PUS10: variants seen among roughly 807,000 people sequenced by gnomAD.
PUS10 encodes the protein tRNA pseudouridine synthase Pus10.
In PUS10, 59 loss-of-function variants were observed where a neutral mutation model predicts 75.0. That is an observed-to-expected ratio of 0.79 (90% CI 0.64 to 0.98). PUS10 has a LOEUF of 0.98. PUS10 is among the 50% of genes least tolerant of loss of function. PUS10 has a pLI of 0.00. For missense variants in PUS10, 650 were observed against 614.4 expected (o/e 1.06, Z -0.61); for synonymous variants, 219 against 211.6 (o/e 1.03, Z -0.30).
At chr2:60,992,649 T>A (rs776067186) in intron 4 of PUS10, among the ~76,000 whole-genome samples, 7 of 152,232 alleles carry the variant, frequency 4.6e-5, no homozygotes, top group Non-Finnish European at 8.8e-5. Context: ...AATATAAGAC[T>A]AAAAGGGCTA....
At chr2:60,964,498 C>A (rs536367526) in intron 8 of PUS10, among the ~76,000 whole-genome samples, 1 of 152,290 alleles carries the variant, frequency 6.6e-6, no homozygotes, top group African/African-American at 2.4e-5. Flanking sequence ...TGTATGTTAA[C>A]TAACTTGTCC....
At position 61,011,845 on chromosome 2, in the gene PUS10, G is replaced by A. The variant is rs752555926; in HGVS notation, c.46C>T (p.Leu16Phe). 2 of 1,609,216 alleles carry A rather than the reference G, an allele frequency of 1.2e-6. No homozygotes were observed. The highest frequency in any genetic ancestry group is 1.7e-6 in the Non-Finnish European group (2 of 1,177,448). ...EENKHVAQLLLNTGTCPRCIF... is the reference protein window; with the variant it reads ...EENKHVAQLLFNTGTCPRCIF... ...CATCTTGGACAAGTACCAGTATTGA[G>A]CAACAACTGGGCCACATGCTTGTTT... The change falls in exon 2 of 18, where the codon CTC (leucine) becomes TTC (phenylalanine). Residue 16 changes from leucine (L) to phenylalanine (F), a missense_variant. Transcript: ENST00000316752.
intron 3 of PUS10, 31 bp downstream of exon 3, chr2:61,008,730 T>C: frequency 6.8e-7 from 1 of 1,469,806 alleles, no homozygotes; most frequent in Admixed American, 2.2e-5. Flanking sequence ...CTCTACATAA[T>C]TGCACCTATA....
At chr2:60,994,010 C>T (rs1321334130) in intron 4 of PUS10, among the ~76,000 whole-genome samples, 2 of 151,964 alleles carry the variant, frequency 1.3e-5, no homozygotes, top group African/African-American at 2.4e-5. Flanking sequence ...AGGATGGTCT[C>T]GATCTCCTGA....
chr2:60,974,983 G>A (rs1427325690), intron 4 of PUS10, among the ~76,000 whole-genome samples: 1 of 152,214 alleles, frequency 6.6e-6, no homozygotes, highest in Non-Finnish European at 1.5e-5. Flanking sequence ...CAAGGATCCC[G>A]TAACACCAGT....
At chr2:60,967,368 A>G in intron 6 of PUS10, 134 bp downstream of exon 6, 1 of 603,328 alleles carries the variant, frequency 1.7e-6, no homozygotes, top group Non-Finnish European at 2.9e-6. Context: ...AGAATTTAAC[A>G]TTTTAAAAGC....
At chr2:60,961,665 A>G (rs1247780648) in intron 9 of PUS10, 117 bp from the exon 10 acceptor site, 1 of 873,650 alleles carries the variant, frequency 1.1e-6, no homozygotes, top group Non-Finnish European at 1.9e-6. Context: ...TCTAACTTTT[A>G]GTTTCGCAAC....
chr2:60,962,813 A>C lies in PUS10; in HGVS notation c.788+13T>G, dbSNP rs1676113043. ...ATTTCACGATGCTTCTTTGTTTCTA[A>C]ACTTCTACTTACTTAAGGAAATCCT... is the stretch of plus-strand genomic sequence containing the variant. On this transcript the variant is annotated intron_variant, in intron 9 of 17. Transcript: ENST00000316752. 1 of 1,579,492 alleles carries C rather than the reference A, an allele frequency of 6.3e-7. No homozygotes were observed. The highest frequency in any genetic ancestry group is 1.2e-5 in the South Asian group (1 of 86,168).
intron 1 of PUS10, among the ~76,000 whole-genome samples, chr2:61,015,771 T>C (rs1474694674): frequency 6.6e-6 from 1 of 152,196 alleles, no homozygotes; most frequent in Non-Finnish European, 1.5e-5. Flanking sequence ...GGATCCCTTT[T>C]CCCAGCCCAT....
chr2:61,005,164 G>A (rs568304378), intron 4 of PUS10, among the ~76,000 whole-genome samples: 2 of 152,284 alleles, frequency 1.3e-5, no homozygotes, highest in African/African-American at 4.8e-5. Flanking sequence ...GGGAGACTGA[G>A]GCAGGAGAAT....
Position 60,971,108 on chromosome 2 carries a change from A to C in PUS10, c.503+415T>G, listed in dbSNP as rs1676633861. On this transcript the variant is annotated intron_variant, in intron 5 of 17. Coordinates refer to ENST00000316752, the MANE Select transcript of PUS10 (RefSeq NM_144709.4). ...GGCAGGAGAATCGCTTGAACCAGCGAGGTGGAGGTTGCAGTGAGCTGAGAT... is the reference window on the plus strand; with the variant it reads ...GGCAGGAGAATCGCTTGAACCAGCGCGGTGGAGGTTGCAGTGAGCTGAGAT... Among the ~76,000 whole-genome samples the C allele has an allele frequency of 3.3e-5, 5 of 151,956 alleles. No homozygotes were observed. The South Asian group carries it at 8.3e-4, about 25-fold the overall frequency.
intron 4 of PUS10, among the ~76,000 whole-genome samples, chr2:60,983,903 C>T (rs1233998102): frequency 6.6e-6 from 1 of 151,688 alleles, no homozygotes; most frequent in African/African-American, 2.4e-5. Context: ...TTAGTCAGTT[C>T]CAAGACAAAC....
intron 4 of PUS10, among the ~76,000 whole-genome samples, chr2:61,003,876 C>G (rs1252730376): frequency 6.6e-6 from 1 of 151,990 alleles, no homozygotes; most frequent in Non-Finnish European, 1.5e-5. Flanking sequence ...TTGAGGCCAC[C>G]CTCTGTTTCT....
chr2:60,943,360 CA>C (rs1264795253), intron 17 of PUS10, among the ~76,000 whole-genome samples: 2 of 151,166 alleles, frequency 1.3e-5, no homozygotes, highest in Admixed American at 6.6e-5. Context: ...TCTTCTAGGA[CA>C]AAACCTTGAT....
chr2:60,951,427 G>C (rs1041131542), intron 15 of PUS10, among the ~76,000 whole-genome samples: 3 of 152,154 alleles, frequency 2.0e-5, no homozygotes, highest in African/African-American at 7.2e-5. Flanking sequence ...CCATAATGTA[G>C]ATTCAGTGGG....
Position 60,956,193 on chromosome 2 carries a change from A to G in PUS10, c.1001-1119T>C, listed in dbSNP as rs147703167. 2.0e-3 allele frequency among the ~76,000 whole-genome samples: 303 copies of G among 151,668 alleles called. 3 individuals carry two copies. The highest frequency in any genetic ancestry group is 6.8e-3 in the Middle Eastern group (2 of 294). ...TCTGTGAACCACTAAGTCCCAAAAA[A>G]CTCTCCCTTCTGTGTTTACACTCCA... is the stretch of plus-strand genomic sequence containing the variant. On this transcript the variant is annotated intron_variant, in intron 11 of 17. Transcript: ENST00000316752.
At chr2:61,017,839 G>A (rs1431057080) in intron 1 of PUS10, 169 bp downstream of exon 1, 1 of 1,550,516 alleles carries the variant, frequency 6.4e-7, no homozygotes. Flanking sequence ...CCAGGACCGG[G>A]CCCCACTTTC....
In PUS10 at chr2:60,965,306, A is replaced by G. The variant is rs1676268815; in HGVS notation, c.677+117T>C. On this transcript the variant is annotated intron_variant, in intron 7 of 17. Coordinates refer to ENST00000316752, the MANE Select transcript of PUS10 (RefSeq NM_144709.4). ...TTTTTTGAGGGCACATTTTAAACCT[A>G]CTAAGACATAACAAGTTCTTCTCTT... is the stretch of plus-strand genomic sequence containing the variant. 4 of 1,025,132 alleles carry G rather than the reference A, an allele frequency of 3.9e-6. 1 individual carries two copies. The highest frequency in any genetic ancestry group is 1.3e-5 in the South Asian group (1 of 74,420). 63.5% of individuals were successfully genotyped at this position (1,025,132 alleles called of 1,614,324 possible). A position where few individuals can be genotyped will look rare whatever the true frequency, so the allele number is the denominator to read the frequency against.
chr2:60,960,400 TTAAA>T lies in PUS10; in HGVS notation c.988_991del (p.Phe330LysfsTer15), dbSNP rs1675954484. 1.3e-6 allele frequency: 2 copies of T among 1,549,516 alleles called. No homozygotes were observed. The highest frequency in any genetic ancestry group is 4.9e-5 in the East Asian group (2 of 40,930). On this transcript the variant is annotated frameshift_variant, in exon 11 of 18. Transcript: ENST00000316752. LOFTEE classifies it high-confidence loss of function. ...AAGATCGTAACACTTACTCTCTGCTTTAAATACTGCCAACAGATGATCTGAAATT... is the reference window on the plus strand; with the variant it reads ...AAGATCGTAACACTTACTCTCTGCTTTACTGCCAACAGATGATCTGAAATT...
Sources: allele counts gnomAD v4.1 joint callset (sites outside exome capture counted in the v4.1 genomes callset), GRCh38; gene constraint gnomAD v4.1.1; transcripts MANE v1.5; gene names NCBI Gene and HGNC (gene_info 2026-07-23, HGNC 2026-07-21).